Variants in PPP2R2B observed in about 807,000 individuals in gnomAD.
PPP2R2B encodes serine/threonine-protein phosphatase 2A 55 kDa regulatory subunit B beta isoform.
Under a neutral mutation model 46.0 loss-of-function variants are expected in PPP2R2B, and 5 were observed. The ratio of observed to expected loss-of-function variants is 0.11; its 90% CI spans 0.06 to 0.23. The LOEUF (loss-of-function observed/expected upper bound fraction) is 0.23. Ranked by LOEUF, PPP2R2B falls within the 10% of genes least tolerant of loss-of-function variation. The pLI is 1.00. For synonymous variants in PPP2R2B, 215 were observed against 206.7 expected (o/e 1.04, Z -0.34); for missense variants, 367 against 575.0 (o/e 0.64, Z 3.70).
chr5:146,683,354 G>A (rs542833217), intron 5 of PPP2R2B, among the ~76,000 whole-genome samples: 3 of 152,138 alleles, frequency 2.0e-5, no homozygotes, highest in African/African-American at 7.2e-5. Flanking sequence ...CAAGAGGCAG[G>A]ACAGCAGCTT....
At chr5:146,896,902 A>G (rs1263831023) in intron 1 of PPP2R2B, among the ~76,000 whole-genome samples, 1 of 152,184 alleles carries the variant, frequency 6.6e-6, no homozygotes, top group Non-Finnish European at 1.5e-5. Flanking sequence ...TCCAGGATAT[A>G]GAAGTGGACC....
chr5:146,701,297 A>G (rs1383268291), intron 2 of PPP2R2B, 155 bp from the exon 3 acceptor site: 2 of 790,244 alleles, frequency 2.5e-6, no homozygotes, highest in East Asian at 4.9e-5. Context: ...AAATGCCACC[A>G]GAAGTGGCAC....
At chr5:146,968,674 T>A (rs1433065950) in intron 1 of PPP2R2B, among the ~76,000 whole-genome samples, 1 of 152,246 alleles carries the variant, frequency 6.6e-6, no homozygotes, top group East Asian at 1.9e-4. Flanking sequence ...TATTGACATT[T>A]CTCCATCAGT....
chr5:146,863,956 C>T (rs1472701033), intron 2 of PPP2R2B, among the ~76,000 whole-genome samples: 2 of 151,968 alleles, frequency 1.3e-5, no homozygotes, highest in African/African-American at 4.8e-5. Context: ...ATGGACAGAA[C>T]AAAAGTGGAA....
chr5:147,044,635 A>T (rs1756470362), intron 1 of PPP2R2B, among the ~76,000 whole-genome samples: 1 of 152,066 alleles, frequency 6.6e-6, no homozygotes, highest in Admixed American at 6.6e-5. Flanking sequence ...GTTCTGACTC[A>T]CATGCTTAAG....
At chr5:147,021,320 G>T (rs1671954661) in intron 1 of PPP2R2B, among the ~76,000 whole-genome samples, 1 of 152,206 alleles carries the variant, frequency 6.6e-6, no homozygotes, top group South Asian at 2.1e-4. Flanking sequence ...AGGAGACAGA[G>T]ATGATTTCAG....
intron 5 of PPP2R2B, among the ~76,000 whole-genome samples, chr5:146,655,440 C>T (rs373100302): frequency 4.6e-5 from 7 of 152,190 alleles, no homozygotes; most frequent in African/African-American, 9.6e-5. Flanking sequence ...CACCTCAAAT[C>T]GCACAGCCTT....
upstream of PPP2R2B, among the ~76,000 whole-genome samples, chr5:146,882,054 G>A (rs1481589240): frequency 6.6e-6 from 1 of 152,082 alleles, no homozygotes; most frequent in Non-Finnish European, 1.5e-5. Flanking sequence ...GAGTCAGGCA[G>A]ATTATGAGGT....
chr5:146,624,752 A>C (rs1438288667), intron 7 of PPP2R2B, among the ~76,000 whole-genome samples: 5 of 152,166 alleles, frequency 3.3e-5, no homozygotes, highest in African/African-American at 7.2e-5. Context: ...TTTGCACAGA[A>C]GACAATGTGA....
chr5:146,972,593 T>A (rs1342018741), intron 1 of PPP2R2B, among the ~76,000 whole-genome samples: 1 of 152,034 alleles, frequency 6.6e-6, no homozygotes, highest in African/African-American at 2.4e-5. Context: ...GTGCCTGTAA[T>A]CCCAGCTACT....
chr5:146,661,801 A>G (rs2151108928), intron 5 of PPP2R2B, among the ~76,000 whole-genome samples: 1 of 152,318 alleles, frequency 6.6e-6, no homozygotes, highest in Non-Finnish European at 1.5e-5. Flanking sequence ...TTATGCCAAT[A>G]TCACTATTTC....
intron 5 of PPP2R2B, among the ~76,000 whole-genome samples, chr5:146,670,481 T>TTATC (rs1777274964): frequency 7.6e-6 from 1 of 132,242 alleles, no homozygotes; most frequent in Non-Finnish European, 1.5e-5. Flanking sequence ...GTACTATTAT[T>TTATC]TATTTATTTA....
Position 146,736,431 on chromosome 5 carries a change from T to C in PPP2R2B, c.71-35289A>G, listed in dbSNP as rs13435944. On this transcript the variant is annotated intron_variant, in intron 2 of 9. Transcript: ENST00000394411. ...AAATCTTATGATCTAGTTGTTATTA[T>C]TACCATCATTTTAAAAATGAGTAAA... Among the ~76,000 whole-genome samples the C allele has an allele frequency of 9.4e-3, 1,429 of 152,288 alleles. 23 individuals carry two copies. Among genetic ancestry groups the C allele is most frequent in the African/African-American group, 0.033 (1,367 of 41,546 alleles).
chr5:147,064,755 G>C (rs1418368176), intron 2 of PPP2R2B, among the ~76,000 whole-genome samples: 1 of 152,146 alleles, frequency 6.6e-6, no homozygotes, highest in African/African-American at 2.4e-5. Flanking sequence ...GTCTTACCTA[G>C]CTCTTTAGGC....
intron 2 of PPP2R2B, among the ~76,000 whole-genome samples, chr5:146,817,142 A>G (rs528602448): frequency 4.0e-4 from 61 of 152,246 alleles, no homozygotes; most frequent in African/African-American, 1.4e-3. Flanking sequence ...ATGTTGCTAC[A>G]TTTGGCCCAT....
intron 1 of PPP2R2B, among the ~76,000 whole-genome samples, chr5:146,969,970 G>A (rs761361793): frequency 6.6e-6 from 1 of 152,146 alleles, no homozygotes; most frequent in Non-Finnish European, 1.5e-5. Context: ...GAATTTCGGA[G>A]TTTTGAATAC....
intron 1 of PPP2R2B, among the ~76,000 whole-genome samples, chr5:147,039,105 C>G (rs982645879): frequency 1.1e-4 from 17 of 152,150 alleles, no homozygotes; most frequent in African/African-American, 4.1e-4. Flanking sequence ...GGAATGCTCC[C>G]CACTGGGCTC....
chr5:146,828,264 A>ATTTTT (rs1758706231), intron 2 of PPP2R2B, among the ~76,000 whole-genome samples: 1 of 147,152 alleles, frequency 6.8e-6, no homozygotes, highest in East Asian at 2.0e-4. Flanking sequence ...CTTTTTTTAA[A>ATTTTT]AAAAAAAAAG....
At chr5:147,079,371 AT>A (rs1187043177) in intron 2 of PPP2R2B, among the ~76,000 whole-genome samples, 5 of 147,834 alleles carry the variant, frequency 3.4e-5, no homozygotes, top group Non-Finnish European at 7.4e-5. Flanking sequence ...ATATATATAT[AT>A]AATATGTGAT....
Sources: allele counts gnomAD v4.1 joint callset (sites outside exome capture counted in the v4.1 genomes callset), GRCh38; gene constraint gnomAD v4.1.1; transcripts MANE v1.5; gene names NCBI Gene and HGNC (gene_info 2026-07-23, HGNC 2026-07-21).